ICA1: variants seen among roughly 807,000 people sequenced by gnomAD.
The protein encoded by ICA1 is 69 kDa islet cell autoantigen.
In ICA1, 40 loss-of-function variants were observed where a neutral mutation model predicts 71.0. The observed-to-expected ratio is 0.56, with a 90% confidence interval of 0.44 to 0.73. The LOEUF is 0.73. Among genes scored for constraint, ICA1 ranks in the 30% least tolerant of loss-of-function variants. The pLI is 0.00. For missense variants in ICA1, 578 were observed against 576.5 expected (o/e 1.00, Z -0.03); for synonymous variants, 207 against 209.5 (o/e 0.99, Z 0.10).
intron 6 of ICA1, among the ~76,000 whole-genome samples, chr7:8,167,103 C>T (rs1284442063): frequency 6.6e-6 from 1 of 152,106 alleles, no homozygotes; most frequent in African/African-American, 2.4e-5. Flanking sequence ...TACCATTTGA[C>T]CCAACAATCC....
rs149119247 is a variant in ICA1 at position 8,247,910 on chromosome 7, T to C, written c.-79-11905A>G. Among the ~76,000 whole-genome samples, 406 of 152,324 alleles carry C rather than the reference T, an allele frequency of 2.7e-3. 3 individuals carry two copies. Among genetic ancestry groups the C allele is most frequent in the African/African-American group, 9.2e-3 (381 of 41,578 alleles). The stretch of plus-strand genomic sequence containing the variant: ...GTCATTCCACTATATTGGTATTCTA[T>C]ACCCACAAAATTTGACCAGTTTTCA... On this transcript the variant is annotated intron_variant, in intron 1 of 13. Transcript: ENST00000402384.
intron 6 of ICA1, among the ~76,000 whole-genome samples, chr7:8,163,057 C>T (rs758446029): frequency 6.6e-6 from 1 of 152,352 alleles, no homozygotes; most frequent in South Asian, 2.1e-4. Context: ...AGCCACTGCG[C>T]CTAGTCTAAT....
At chr7:8,240,857 T>C (rs1803588246) in intron 1 of ICA1, among the ~76,000 whole-genome samples, 1 of 151,752 alleles carries the variant, frequency 6.6e-6, no homozygotes, top group Non-Finnish European at 1.5e-5. Flanking sequence ...AGAAGAAAAG[T>C]TTAGAGAAAA....
chr7:8,258,817 C>T lies in ICA1; in HGVS notation c.-80+3277G>A, dbSNP rs148453036. ...GCTAGAATAGTGAAAGTGTGGTCAGCCAGGATTTTTAGAGGCTCCAAGGCA... is the reference window on the plus strand; with the variant it reads ...GCTAGAATAGTGAAAGTGTGGTCAGTCAGGATTTTTAGAGGCTCCAAGGCA... On this transcript the variant is annotated intron_variant, in intron 1 of 13. Coordinates refer to ENST00000402384, the MANE Select transcript of ICA1 (RefSeq NM_001136020.3). Among the ~76,000 whole-genome samples, 135 of 152,280 alleles carry T rather than the reference C, an allele frequency of 8.9e-4. 1 individual carries two copies. Among genetic ancestry groups the T allele is most frequent in the African/African-American group, 3.1e-3 (128 of 41,544 alleles).
intron 6 of ICA1, among the ~76,000 whole-genome samples, chr7:8,192,162 A>C (rs962031064): frequency 6.6e-6 from 1 of 152,252 alleles, no homozygotes; most frequent in East Asian, 1.9e-4. Context: ...ATGTTATCTA[A>C]TATTACAGAC....
intron 6 of ICA1, among the ~76,000 whole-genome samples, chr7:8,179,322 A>C (rs1250207503): frequency 1.3e-5 from 2 of 152,204 alleles, no homozygotes; most frequent in Non-Finnish European, 2.9e-5. Flanking sequence ...CTTTAAGAAG[A>C]GGCTAAATGA....
intron 1 of ICA1, among the ~76,000 whole-genome samples, chr7:8,256,672 C>A (rs148344691): frequency 6.6e-6 from 1 of 152,334 alleles, no homozygotes; most frequent in Non-Finnish European, 1.5e-5. Flanking sequence ...GGTGCCACTG[C>A]ACTCCTGTAC....
At chr7:8,166,502 T>C (rs1806035658) in intron 6 of ICA1, among the ~76,000 whole-genome samples, 1 of 152,116 alleles carries the variant, frequency 6.6e-6, no homozygotes, top group African/African-American at 2.4e-5. Flanking sequence ...TCAAGATGAA[T>C]TAAAGACTTA....
intron 6 of ICA1, among the ~76,000 whole-genome samples, chr7:8,202,206 C>T (rs959644385): frequency 2.0e-5 from 3 of 152,214 alleles, no homozygotes; most frequent in Non-Finnish European, 4.4e-5. Flanking sequence ...CATGAAGAAA[C>T]TGCTTTAGTT....
At chr7:8,235,277 G>A (rs1433505509) in intron 2 of ICA1, among the ~76,000 whole-genome samples, 1 of 152,162 alleles carries the variant, frequency 6.6e-6, no homozygotes, top group Admixed American at 6.5e-5. Context: ...CTGCTTGCTT[G>A]GTGGGTCATG....
intron 1 of ICA1, among the ~76,000 whole-genome samples, chr7:8,256,904 G>A (rs550097152): frequency 5.3e-5 from 8 of 152,262 alleles, no homozygotes; most frequent in African/African-American, 1.7e-4. Flanking sequence ...TTATGTCATC[G>A]CCACACATTA....
intron 1 of ICA1, among the ~76,000 whole-genome samples, chr7:8,256,307 A>G (rs1810147738): frequency 6.6e-6 from 1 of 152,162 alleles, no homozygotes; most frequent in Non-Finnish European, 1.5e-5. Context: ...TTGCCACTAG[A>G]GAAATTCCAA....
intron 6 of ICA1, among the ~76,000 whole-genome samples, chr7:8,183,680 G>A (rs1782966367): frequency 6.6e-6 from 1 of 152,184 alleles, no homozygotes; most frequent in Admixed American, 6.5e-5. Flanking sequence ...AGATAAATAA[G>A]AGAGAAAATG....
chr7:8,139,757 T>C (rs140292455), intron 10 of ICA1, among the ~76,000 whole-genome samples: 62 of 152,308 alleles, frequency 4.1e-4, no homozygotes, highest in East Asian at 4.1e-3. Context: ...AAAGGCTATG[T>C]ATATGCTGGG....
At chr7:8,156,204 A>G (rs1801438977) in intron 8 of ICA1, among the ~76,000 whole-genome samples, 1 of 152,222 alleles carries the variant, frequency 6.6e-6, no homozygotes, top group Non-Finnish European at 1.5e-5. Flanking sequence ...GTATGTATGC[A>G]CTGACATTAT....
intron 13 of ICA1, among the ~76,000 whole-genome samples, chr7:8,124,116 T>C (rs983002174): frequency 1.6e-4 from 22 of 139,338 alleles, no homozygotes; most frequent in Non-Finnish European, 3.0e-4. Flanking sequence ...ATACAATTTT[T>C]TTTTTTTTTT....
intron 6 of ICA1, among the ~76,000 whole-genome samples, chr7:8,159,201 G>A (rs1285505809): frequency 6.6e-6 from 1 of 152,100 alleles, no homozygotes; most frequent in Admixed American, 6.6e-5. Context: ...CTAAGATCCC[G>A]TCGGAGGGAA....
chr7:8,169,440 C>A (rs1287711909), intron 6 of ICA1, among the ~76,000 whole-genome samples: 1 of 152,094 alleles, frequency 6.6e-6, no homozygotes, highest in East Asian at 1.9e-4. Flanking sequence ...CATTGCCAAA[C>A]CATTTTCCAA....
At chr7:8,256,182 A>T (rs1810088539) in intron 1 of ICA1, among the ~76,000 whole-genome samples, 1 of 152,210 alleles carries the variant, frequency 6.6e-6, no homozygotes, top group Admixed American at 6.5e-5. Flanking sequence ...CTTAAGAGGC[A>T]ATGCTATCTG....
Sources: allele counts gnomAD v4.1 joint callset (sites outside exome capture counted in the v4.1 genomes callset), GRCh38; gene constraint gnomAD v4.1.1; transcripts MANE v1.5; gene names NCBI Gene and HGNC (gene_info 2026-07-23, HGNC 2026-07-21).